TMTC4: variants seen among roughly 807,000 people sequenced by gnomAD.
TMTC4 encodes transmembrane O-mannosyltransferase targeting cadherins 4, also known as protein O-mannosyl-transferase TMTC4.
A neutral mutation model predicts 86.0 loss-of-function variants in TMTC4; 65 were observed. That is an observed-to-expected ratio of 0.76 (90% CI 0.62 to 0.93). The LOEUF (loss-of-function observed/expected upper bound fraction) is 0.93. Among genes scored for constraint, TMTC4 ranks in the 40% least tolerant of loss-of-function variants. TMTC4 has a pLI of 0.00. For missense variants in TMTC4, 866 were observed against 948.1 expected (o/e 0.91, Z 1.14); for synonymous variants, 379 against 382.5 (o/e 0.99, Z 0.11).
At chr13:100,624,252 G>C (rs1309742803) in intron 15 of TMTC4, 1 of 152,618 alleles carries the variant, frequency 6.6e-6, no homozygotes, top group East Asian at 1.9e-4. Flanking sequence ...CGTGAACCCG[G>C]GGGGCGGAGC....
rs186835865 is a variant in TMTC4 at position 100,640,475 on chromosome 13, C to T, written c.741+1736G>A. Among the ~76,000 whole-genome samples, 195 of 152,288 alleles carry T rather than the reference C, an allele frequency of 1.3e-3. 2 individuals carry two copies. The highest frequency in any genetic ancestry group is 0.012 in the Admixed American group (176 of 15,302). ...TTAATAGATACAACCTAATAAAACA[C>T]TAATTTTTGCCTTGACTTGTATCAA... is the stretch of plus-strand genomic sequence containing the variant. On this transcript the variant is annotated intron_variant, in intron 7 of 18. Transcript: ENST00000342624.
intron 15 of TMTC4, chr13:100,624,859 G>A (rs1055705): frequency 0.33 from 50,332 of 152,156 alleles, 8,646 homozygotes; most frequent in East Asian, 0.58. Flanking sequence ...AAATTAAATG[G>A]TTGATTATAG....
chr13:100,625,792 G>T lies in TMTC4; in HGVS notation c.1687C>A (p.Gln563Lys), dbSNP rs199572144. The change falls in exon 14 of 19, where the codon CAA becomes AAA. Residue 563 changes from glutamine (Q) to lysine (K), a missense_variant. Physicochemically the swap from Gln to Lys is moderately conservative, Grantham distance 53 (BLOSUM62 1). Coordinates refer to ENST00000342624, the MANE Select transcript of TMTC4 (RefSeq NM_032813.5). ...EAEELLSLAV[Q>K]IQPDFAAAWM... ...TATAAAAACAATGCTTACTGTATTT[G>T]AACAGCCAAAGACAGCAGCTCCTCA... 1.3e-4 allele frequency: 206 copies of T among 1,613,184 alleles called. No individual in the cohort carries two copies. In the East Asian group the frequency reaches 4.5e-3, roughly 35 times the overall value.
chr13:100,633,829 TAAACATAG>T (rs144693050), intron 12 of TMTC4, among the ~76,000 whole-genome samples: 11,632 of 152,192 alleles, frequency 0.076, 631 homozygotes, highest in Non-Finnish European at 0.1. Flanking sequence ...TTTGTGTATC[TAAACATAG>T]AAAAGAGGCA....
At chr13:100,631,923 AATC>A (rs1181246757) in intron 12 of TMTC4, among the ~76,000 whole-genome samples, 1 of 152,136 alleles carries the variant, frequency 6.6e-6, no homozygotes, top group African/African-American at 2.4e-5. Flanking sequence ...TATTGAATAG[AATC>A]ATTGAAAAAT....
chr13:100,674,362 G>T, intron 1 of TMTC4: 1 of 975,094 alleles, frequency 1.0e-6, no homozygotes, highest in Non-Finnish European at 1.2e-6. Flanking sequence ...CGGCCAGATG[G>T]CCGCTCCGGG....
intron 8 of TMTC4, 57 bp from the exon 9 acceptor site, chr13:100,637,759 G>A: frequency 1.9e-5 from 30 of 1,593,950 alleles, no homozygotes; most frequent in Non-Finnish European, 2.6e-5. Flanking sequence ...AAGTGTGGCT[G>A]AGCCAGGTAC....
intron 12 of TMTC4, among the ~76,000 whole-genome samples, chr13:100,630,913 C>A (rs1881270175): frequency 6.6e-6 from 1 of 152,184 alleles, no homozygotes; most frequent in Non-Finnish European, 1.5e-5. Context: ...GGCAGGCCAT[C>A]ATTAAGAATT....
intron 9 of TMTC4, 21 bp downstream of exon 9, chr13:100,637,517 G>T: frequency 1.3e-6 from 2 of 1,597,754 alleles, no homozygotes; most frequent in Non-Finnish European, 1.7e-6. Flanking sequence ...GAGTCCAGGG[G>T]GCGGCAGGCT....
intron 1 of TMTC4, among the ~76,000 whole-genome samples, chr13:100,671,705 C>T (rs1348008495): frequency 1.3e-5 from 2 of 152,174 alleles, no homozygotes; most frequent in African/African-American, 4.8e-5. Context: ...CTCTCCCCTC[C>T]TTGCTGTGAC....
intron 3 of TMTC4, among the ~76,000 whole-genome samples, chr13:100,665,078 A>C (rs1886236523): frequency 2.0e-5 from 3 of 152,308 alleles, no homozygotes; most frequent in Middle Eastern, 6.8e-3. Context: ...CAGAAAAAAA[A>C]CCTTAATTTT....
At chr13:100,674,058 C>G (rs903964765) in intron 1 of TMTC4, 2 of 985,154 alleles carry the variant, frequency 2.0e-6, no homozygotes, top group Non-Finnish European at 2.4e-6. Context: ...GCCACAACAT[C>G]AACAAGACCA....
chr13:100,663,406 T>C (rs1463361645), intron 4 of TMTC4, among the ~76,000 whole-genome samples: 1 of 152,180 alleles, frequency 6.6e-6, no homozygotes, highest in Non-Finnish European at 1.5e-5. Context: ...ATGAAACATA[T>C]GTGTCCAAGG....
intron 5 of TMTC4, among the ~76,000 whole-genome samples, chr13:100,661,459 C>T (rs759999921): frequency 2.0e-5 from 3 of 152,144 alleles, no homozygotes; most frequent in Non-Finnish European, 2.9e-5. Flanking sequence ...CTAAATTAGA[C>T]GAGAAGGAAG....
At chr13:100,627,515 C>T (rs546605280) in intron 12 of TMTC4, among the ~76,000 whole-genome samples, 15 of 152,206 alleles carry the variant, frequency 9.9e-5, no homozygotes, top group African/African-American at 3.6e-4. Context: ...GCAGATGCCT[C>T]GCTCCCACCT....
At chr13:100,672,952 A>G (rs1377995145) in intron 1 of TMTC4, among the ~76,000 whole-genome samples, 1 of 152,086 alleles carries the variant, frequency 6.6e-6, no homozygotes, top group African/African-American at 2.4e-5. Flanking sequence ...CACCTTATGA[A>G]GCAACAAAAA....
chr13:100,664,343 G>A lies in TMTC4; in HGVS notation c.220-7C>T. ...GCGTTTCTGCTTGGAGGTCCTGCAG[G>A]GTCACAAAGGGGATGTTCTGGACAA... is the stretch of plus-strand genomic sequence containing the variant. On this transcript the variant is annotated splice_polypyrimidine_tract_variant and splice_region_variant and intron_variant, in intron 3 of 18. Transcript: ENST00000342624. 2 of 1,594,900 alleles carry A rather than the reference G, an allele frequency of 1.3e-6. No homozygotes were observed. The highest frequency in any genetic ancestry group is 1.7e-6 in the Non-Finnish European group (2 of 1,169,698).
Position 100,636,727 on chromosome 13 carries a change from T to C in TMTC4, c.1007A>G (p.Asn336Ser). 6.2e-7 allele frequency: 1 copy of C among 1,614,022 alleles called. No homozygotes were observed. The highest frequency in any genetic ancestry group is 8.5e-7 in the Non-Finnish European group (1 of 1,179,924). Residue 336 changes from asparagine (N) to serine (S), a missense_variant, in exon 10 of 19, where the codon AAC becomes AGC. Physicochemically the swap from Asn to Ser is conservative, Grantham distance 46 (BLOSUM62 1). Coordinates refer to ENST00000342624, the MANE Select transcript of TMTC4 (RefSeq NM_032813.5). ...FADSMLVRAV[N>S]YNYYYSLNAW... ...ATTCAATGAATAGTAGTAATTGTAG[T>C]TTACGGCCTGCCAGTCAAAAGGAGA...
intron 4 of TMTC4, 38 bp downstream of exon 4, chr13:100,664,183 G>T: frequency 6.5e-7 from 1 of 1,542,010 alleles, no homozygotes; most frequent in Non-Finnish European, 8.8e-7. Flanking sequence ...ACACAAGCTG[G>T]GAGGGACCTT....
Sources: gnomAD v4.1 joint callset for allele counts (sites outside exome capture counted in the v4.1 genomes callset) on GRCh38, gnomAD v4.1.1 for gene constraint, MANE v1.5 for transcripts, NCBI Gene and HGNC (gene_info 2026-07-23, HGNC 2026-07-21) for gene names.